Variants in EPB41L2 observed in about 807,000 individuals in gnomAD.
The protein encoded by EPB41L2 is band 4.1-like protein 2.
A neutral mutation model predicts 113.0 loss-of-function variants in EPB41L2; 43 were observed. That is an observed-to-expected ratio of 0.38 (90% confidence interval 0.30 to 0.49). The LOEUF (loss-of-function observed/expected upper bound fraction) is 0.49. EPB41L2 is among the 20% of genes least tolerant of loss of function. The pLI, the probability that EPB41L2 is intolerant of heterozygous loss-of-function variation, is 0.95. For missense variants in EPB41L2, 1,147 were observed against 1,223.4 expected (o/e 0.94, Z 0.93); for synonymous variants, 442 against 436.7 (o/e 1.01, Z -0.15).
chr6:130,955,893 C>T, intron 2 of EPB41L2, 101 bp downstream of exon 2: 9 of 1,511,108 alleles, frequency 6.0e-6, no homozygotes, highest in Non-Finnish European at 7.9e-6. Flanking sequence ...AGCAGTATCT[C>T]AGTACAAGAA....
At chr6:130,867,312 T>C (rs1784092429) in intron 16 of EPB41L2, 147 bp downstream of exon 16, 1 of 1,029,560 alleles carries the variant, frequency 9.7e-7, no homozygotes, top group Non-Finnish European at 1.4e-6. Context: ...ACATAGCAAA[T>C]TATGTTGTTG....
intron 14 of EPB41L2, among the ~76,000 whole-genome samples, chr6:130,875,929 G>A (rs547060039): frequency 6.7e-6 from 1 of 149,226 alleles, no homozygotes; most frequent in Non-Finnish European, 1.5e-5. Context: ...AGGTTGCAGT[G>A]AGCCAAGATC....
At chr6:131,035,885 T>C (rs963408677) in intron 1 of EPB41L2, among the ~76,000 whole-genome samples, 1 of 152,176 alleles carries the variant, frequency 6.6e-6, no homozygotes, top group South Asian at 2.1e-4. Context: ...AATGCTCCCA[T>C]GATTTAAAAA....
chr6:131,044,182 T>C (rs1204880941), intron 1 of EPB41L2, among the ~76,000 whole-genome samples: 1 of 151,890 alleles, frequency 6.6e-6, no homozygotes, highest in Non-Finnish European at 1.5e-5. Context: ...TCACCATGCC[T>C]AACTAAGTTT....
At chr6:131,052,415 T>C (rs1400807875) in intron 1 of EPB41L2, among the ~76,000 whole-genome samples, 1 of 152,166 alleles carries the variant, frequency 6.6e-6, no homozygotes, top group African/African-American at 2.4e-5. Context: ...TCCAGGATGA[T>C]GGAGGGCCCA....
At chr6:131,022,605 A>G (rs966255906) in intron 1 of EPB41L2, among the ~76,000 whole-genome samples, 5 of 152,216 alleles carry the variant, frequency 3.3e-5, no homozygotes, top group African/African-American at 1.2e-4. Context: ...TAAAAGGAAA[A>G]TAACTGATAG....
intron 1 of EPB41L2, among the ~76,000 whole-genome samples, chr6:131,035,744 TATA>T (rs2128176483): frequency 6.6e-6 from 1 of 152,346 alleles, no homozygotes; most frequent in African/African-American, 2.4e-5. Flanking sequence ...TCCTTACTTC[TATA>T]ATGTGGATAA....
Position 130,858,219 on chromosome 6 carries a change from C to T in EPB41L2, c.2935G>A (p.Ala979Thr). 6.2e-7 allele frequency: 1 copy of T among 1,613,356 alleles called. No homozygotes were observed. The highest frequency in any genetic ancestry group is 8.5e-7 in the Non-Finnish European group (1 of 1,179,582). The change falls in exon 19 of 20, where the codon GCC becomes ACC. Residue 979 changes from alanine (A) to threonine (T), a missense_variant. By Grantham distance (58) the Ala-to-Thr change is moderately conservative (BLOSUM62 0). Transcript: ENST00000337057. ...DQALAQAIRE[A>T]REQHPDMSVT... ...GACATGTCAGGGTGCTGCTCTCTGG[C>T]TTCCCTGATCGCCTGAGCCAGTGCC...
chr6:130,957,887 CT>C (rs1249968691), intron 1 of EPB41L2, among the ~76,000 whole-genome samples: 4 of 152,354 alleles, frequency 2.6e-5, no homozygotes, highest in East Asian at 1.9e-4. Flanking sequence ...CCGTCGCCCC[CT>C]GGCAACCTTA....
At chr6:130,930,098 T>C (rs561772626) in intron 3 of EPB41L2, among the ~76,000 whole-genome samples, 3 of 152,232 alleles carry the variant, frequency 2.0e-5, no homozygotes, top group South Asian at 2.1e-4. Flanking sequence ...TTGTTGCATA[T>C]GATTACTGAG....
At chr6:130,886,621 T>TTTGTTGTTG (rs57191069) in intron 11 of EPB41L2, among the ~76,000 whole-genome samples, 2 of 136,250 alleles carry the variant, frequency 1.5e-5, no homozygotes, top group Middle Eastern at 3.5e-3. Flanking sequence ...TCCAGCGGTT[T>TTTGTTGTTG]TTGTTGTTGT....
At chr6:130,946,862 T>C (rs940262521) in intron 3 of EPB41L2, among the ~76,000 whole-genome samples, 2 of 152,024 alleles carry the variant, frequency 1.3e-5, no homozygotes, top group Non-Finnish European at 2.9e-5. Context: ...TCACATTAAA[T>C]GGTTTAAAGG....
In EPB41L2 at chr6:130,858,165, T is replaced by C; in HGVS notation, c.2989A>G (p.Thr997Ala). ...TCTTCCCCTTCCTCAGCCAACTCTG[T>C]TTCTTTGTGTACCACCACTCTTGTG... is the stretch of plus-strand genomic sequence containing the variant. ...SVTRVVVHKE[T>A]ELAEEGED Residue 997 changes from threonine to alanine, a missense_variant, in exon 19 of 20, where the codon ACA becomes GCA. Transcript: ENST00000337057. The C allele has an allele frequency of 6.2e-7, 1 of 1,614,004 alleles. No individual in the cohort carries two copies. Among genetic ancestry groups the C allele is most frequent in the Non-Finnish European group, 8.5e-7 (1 of 1,179,932 alleles).
chr6:130,897,589 T>G (rs1016241500), intron 8 of EPB41L2, among the ~76,000 whole-genome samples: 1 of 152,224 alleles, frequency 6.6e-6, no homozygotes, highest in African/African-American at 2.4e-5. Context: ...AGATGCAAGA[T>G]TTGCATGTGG....
At chr6:131,045,951 T>C (rs978928242) in intron 1 of EPB41L2, among the ~76,000 whole-genome samples, 2 of 148,152 alleles carry the variant, frequency 1.3e-5, no homozygotes, top group Non-Finnish European at 3.0e-5. Context: ...TTTCTCTCTT[T>C]TTTTTTTTTT....
At chr6:130,906,602 CAT>C (rs1296652318) in intron 5 of EPB41L2, among the ~76,000 whole-genome samples, 1 of 152,150 alleles carries the variant, frequency 6.6e-6, no homozygotes, top group Non-Finnish European at 1.5e-5. Context: ...AAGCCTTAGA[CAT>C]ATAGTCTTAT....
rs1249061335 is a variant in EPB41L2 at position 130,995,769 on chromosome 6, TTCC to T, written c.-14-39273_-14-39271del. ...CCTTTGTCATGATCTGCCTGATCCT[TTCC>T]TCCTCCTATGGTCAGCCTCACTCCC... On this transcript the variant is annotated intron_variant, in intron 1 of 19. Transcript: ENST00000337057. Among the ~76,000 whole-genome samples, 4 of 152,178 alleles carry T rather than the reference TTCC, an allele frequency of 2.6e-5. No homozygotes were observed. The East Asian group carries it at 5.8e-4, about 22-fold the overall frequency.
In EPB41L2 at chr6:130,936,776, C is replaced by T. The variant is rs73617193; in HGVS notation, c.706-10067G>A. Among the ~76,000 whole-genome samples, 75 of 152,244 alleles carry T rather than the reference C, an allele frequency of 4.9e-4. 1 individual carries two copies. The East Asian group carries it at 0.013, about 26-fold the overall frequency. The stretch of plus-strand genomic sequence containing the variant: ...AGGCATTGCTCAAAACAAATCATAA[C>T]CAAATTCAGCTATCGATTAGTTAGC... On this transcript the variant is annotated intron_variant, in intron 3 of 19. Coordinates refer to ENST00000337057, the MANE Select transcript of EPB41L2 (RefSeq NM_001431.4).
chr6:130,896,613 TA>T (rs1371812469), intron 8 of EPB41L2, among the ~76,000 whole-genome samples: 3 of 152,256 alleles, frequency 2.0e-5, no homozygotes, highest in African/African-American at 7.2e-5. Flanking sequence ...CAGATTCAAG[TA>T]AATCAGTTGA....
Sources: allele counts gnomAD v4.1 joint callset (sites outside exome capture counted in the v4.1 genomes callset), GRCh38; gene constraint gnomAD v4.1.1; transcripts MANE v1.5; gene names NCBI Gene and HGNC (gene_info 2026-07-23, HGNC 2026-07-21).